ABR: variants seen among roughly 807,000 people sequenced by gnomAD.
The protein encoded by ABR is ABR activator of RhoGEF and GTPase.
ABR carries 35 observed loss-of-function variants against 107.2 expected under a neutral mutation model. That is an observed-to-expected ratio of 0.33 (90% CI 0.25 to 0.43). The LOEUF is 0.43. Ranked by LOEUF, ABR falls within the 20% of genes least tolerant of loss-of-function variation. ABR has a pLI of 1.00. For missense variants in ABR, 815 were observed against 1,115.2 expected (o/e 0.73, Z 3.83); for synonymous variants, 498 against 462.0 (o/e 1.08, Z -1.00).
rs185057240 is a variant in ABR at position 1,199,948 on chromosome 17, A to C, written c.838+28845T>G. Among the ~76,000 whole-genome samples, 12 of 151,656 alleles carry C rather than the reference A, an allele frequency of 7.9e-5. No individual in the cohort carries two copies. The East Asian group carries it at 1.2e-3, about 15-fold the overall frequency. On this transcript the variant is annotated intron_variant, in intron 1 of 22. Transcript: ENST00000574139. ...TTCTTTTTTTTTTTATTATACTTTAAATTTTAGGGTACATGTGCACAACGT... is the reference window on the plus strand; with the variant it reads ...TTCTTTTTTTTTTTATTATACTTTACATTTTAGGGTACATGTGCACAACGT...
At chr17:1,146,298 T>C (rs974490912) in intron 1 of ABR, among the ~76,000 whole-genome samples, 46 of 69,600 alleles carry the variant, frequency 6.6e-4, no homozygotes, top group Non-Finnish European at 1.3e-3. Context: ...CACACACACA[T>C]CACATCCTTG....
intron 3 of ABR, among the ~76,000 whole-genome samples, chr17:1,094,087 C>T (rs1483036171): frequency 2.0e-5 from 3 of 151,572 alleles, no homozygotes; most frequent in Non-Finnish European, 4.4e-5. Context: ...CGTCCTAGAA[C>T]CAACGGCCCC....
In ABR at chr17:1,107,469, A is replaced by T. The variant is rs74419052; in HGVS notation, c.247-6734T>A. Among the ~76,000 whole-genome samples the T allele has an allele frequency of 3.7e-3, 564 of 152,368 alleles. 4 individuals are homozygous for T. Among genetic ancestry groups the T allele is most frequent in the African/African-American group, 0.013 (536 of 41,588 alleles). ...GAGGCAAATGTCTAGAGTTCTGAGC[A>T]TCTGAGCAGAATGAAATACGGGCTT... On this transcript the variant is annotated intron_variant, in intron 2 of 22. Coordinates refer to ENST00000302538, the MANE Select transcript of ABR (RefSeq NM_021962.5).
intron 1 of ABR, among the ~76,000 whole-genome samples, chr17:1,137,680 G>C (rs1350828242): frequency 6.6e-6 from 1 of 152,162 alleles, no homozygotes; most frequent in East Asian, 1.9e-4. Context: ...GAGAGAATGC[G>C]AGGTGGCCAC....
At position 1,092,563 on chromosome 17, in the gene ABR, C is replaced by A. The variant is rs561302050; in HGVS notation, c.346-713G>T. Among the ~76,000 whole-genome samples, 4 of 152,292 alleles carry A rather than the reference C, an allele frequency of 2.6e-5. No homozygotes were observed. In the South Asian group the frequency reaches 8.3e-4, roughly 32 times the overall value. ...GAGGTGGCAGATAACACAGACCAAC[C>A]CCCAGCACTGGCCGGGAGCTGATGC... On this transcript the variant is annotated intron_variant, in intron 3 of 22. Transcript: ENST00000302538. This position sits in a 1 kb window ranked among gnomAD's most constrained non-coding sequence, Gnocchi z 4.6.
At chr17:1,151,061 C>T (rs543342647) in intron 1 of ABR, among the ~76,000 whole-genome samples, 2 of 152,296 alleles carry the variant, frequency 1.3e-5, no homozygotes, top group South Asian at 4.2e-4. Context: ...GGCTCCACCC[C>T]TTACCAGCTG....
At chr17:1,215,810 C>CTT (rs1375845702) in intron 1 of ABR, among the ~76,000 whole-genome samples, 4 of 144,810 alleles carry the variant, frequency 2.8e-5, no homozygotes, top group East Asian at 4.2e-4. Context: ...ACATAGGAGA[C>CTT]TCCATTTTGT....
intron 1 of ABR, among the ~76,000 whole-genome samples, chr17:1,129,364 CATA>C (rs148510760): frequency 0.52 from 78,712 of 151,700 alleles, 21,040 homozygotes; most frequent in Non-Finnish European, 0.58. Flanking sequence ...ATGGTGAAGC[CATA>C]CTGGCTACAA....
intron 16 of ABR, among the ~76,000 whole-genome samples, chr17:1,040,204 C>T (rs1164089049): frequency 1.3e-5 from 2 of 152,120 alleles, no homozygotes; most frequent in East Asian, 3.9e-4. Context: ...CCAGGACGCA[C>T]GCGCAGGACC....
upstream of ABR, among the ~76,000 whole-genome samples, chr17:1,180,764 A>G (rs945647296): frequency 6.6e-6 from 1 of 152,190 alleles, no homozygotes; most frequent in Non-Finnish European, 1.5e-5. Context: ...AATTCCCTCT[A>G]AGGAAGACCC....
chr17:1,083,675 G>A (rs200712616), intron 4 of ABR, 48 bp from the exon 5 acceptor site: 33 of 1,409,598 alleles, frequency 2.3e-5, no homozygotes, highest in Non-Finnish European at 3.3e-5. Flanking sequence ...TGGGAGGGGA[G>A]AGGATTAATG....
intron 16 of ABR, among the ~76,000 whole-genome samples, chr17:1,046,376 T>C (rs922000138): frequency 6.6e-6 from 1 of 151,812 alleles, no homozygotes; most frequent in East Asian, 1.9e-4. Flanking sequence ...GACCTTGTAA[T>C]CCGCCCGCCT....
chr17:1,074,209 G>A (rs1335625789), intron 6 of ABR, among the ~76,000 whole-genome samples: 1 of 145,304 alleles, frequency 6.9e-6, no homozygotes. Flanking sequence ...GCCACACGCA[G>A]GACCCCAGAA....
chr17:1,110,978 G>A (rs556787183), intron 2 of ABR, among the ~76,000 whole-genome samples: 410 of 152,300 alleles, frequency 2.7e-3, no homozygotes, highest in Non-Finnish European at 4.2e-3. Context: ...GCTTGGGAAC[G>A]ACCAGGCCTG....
chr17:1,047,129 G>A (rs112049156), intron 16 of ABR, among the ~76,000 whole-genome samples: 1 of 152,226 alleles, frequency 6.6e-6, no homozygotes, highest in African/African-American at 2.4e-5. Flanking sequence ...AGAGAAGTGG[G>A]GGCCTCAGAG....
intron 18 of ABR, chr17:1,012,351 G>C (rs939341967): frequency 4.6e-6 from 3 of 646,370 alleles, no homozygotes; most frequent in African/African-American, 1.8e-5. Flanking sequence ...TGAACCGGGG[G>C]ACACGTGCCC....
intron 16 of ABR, among the ~76,000 whole-genome samples, chr17:1,026,888 G>A (rs1319608933): frequency 6.6e-6 from 1 of 152,132 alleles, no homozygotes; most frequent in African/African-American, 2.4e-5. Context: ...CCAACACCTG[G>A]CAGCTCCCCC....
chr17:1,109,376 G>A (rs2038507038), intron 2 of ABR, among the ~76,000 whole-genome samples: 1 of 151,790 alleles, frequency 6.6e-6, no homozygotes, highest in African/African-American at 2.4e-5. Context: ...TGTCCCGCCC[G>A]GCCCCGCAGG....
At chr17:1,195,304 C>CAAAA (rs564020208) in intron 1 of ABR, among the ~76,000 whole-genome samples, 4 of 87,636 alleles carry the variant, frequency 4.6e-5, no homozygotes, top group Non-Finnish European at 9.5e-5. Flanking sequence ...GAGACTGTCT[C>CAAAA]AAAAAAAAAA....
Sources: gnomAD v4.1 joint callset for allele counts (sites outside exome capture counted in the v4.1 genomes callset) on GRCh38, gnomAD v4.1.1 for gene constraint, Gnocchi (gnomAD v3.1) non-coding constraint, MANE v1.5 for transcripts, NCBI Gene and HGNC (gene_info 2026-07-23, HGNC 2026-07-21) for gene names.